The following GFPT2 variants were observed in gnomAD, a reference collection of about 807,000 sequenced individuals.
GFPT2 encodes the protein glutamine--fructose-6-phosphate aminotransferase [isomerizing] 2.
Under a neutral mutation model 85.6 loss-of-function variants are expected in GFPT2, and 62 were observed. The ratio of observed to expected loss-of-function variants is 0.72; its 90% confidence interval spans 0.59 to 0.90. The LOEUF (loss-of-function observed/expected upper bound fraction) is 0.90, where lower values mean the gene tolerates loss of function less well. Among genes scored for constraint, GFPT2 ranks in the 40% least tolerant of loss-of-function variants. The pLI is 0.00. For missense variants in GFPT2, 788 were observed against 893.4 expected, an observed-to-expected ratio of 0.88 and a Z score of 1.50; for synonymous variants, 368 against 344.5, an observed-to-expected ratio of 1.07 and a Z score of -0.75.
At chr5:180,302,284 C>G (rs1461416484) in intron 18 of GFPT2, 139 bp downstream of exon 18, 2 of 613,314 alleles carry the variant, frequency 3.3e-6, no homozygotes, top group Non-Finnish European at 5.2e-6. Context: ...GAGACTCAAT[C>G]TCAAAAAAAA....
chr5:180,314,071 C>G, intron 13 of GFPT2, 107 bp from the exon 14 acceptor site: 2 of 1,133,868 alleles, frequency 1.8e-6, no homozygotes, highest in South Asian at 1.6e-5. Context: ...GCGCCCGAGA[C>G]ACAGCCAGCG....
rs377765870 is a variant in GFPT2 at position 180,336,431 on chromosome 5, G to T, written c.214+48C>A. Reference sequence around the variant, plus strand: ...CGCTGTTGGAATACGGTCCTAGAAAGCGGCCGGCGCTGCAGCGGCTCCTCC... The same window carrying T: ...CGCTGTTGGAATACGGTCCTAGAAATCGGCCGGCGCTGCAGCGGCTCCTCC... On this transcript the variant is annotated intron_variant, in intron 3 of 18. Coordinates refer to ENST00000253778, the MANE Select transcript of GFPT2 (RefSeq NM_005110.4). The T allele has an allele frequency of 3.0e-6, 3 of 994,680 alleles. No individual in the cohort carries two copies. In the East Asian group the frequency reaches 7.1e-5, roughly 24 times the overall value. The allele number at this position is 994,680 out of a possible 1,614,324, so 61.6% of individuals were successfully genotyped here.
At chr5:180,352,570 C>A (rs919724370) in intron 1 of GFPT2, 1 of 448,918 alleles carries the variant, frequency 2.2e-6, no homozygotes, top group Non-Finnish European at 4.4e-6. Context: ...CTCGTGGCTT[C>A]GGGCCGAGGT....
At position 180,316,325 on chromosome 5, in the gene GFPT2, T is replaced by C. The variant is rs746385469; in HGVS notation, c.1273+16A>G. 5 of 1,613,770 alleles carry C rather than the reference T, an allele frequency of 3.1e-6. No individual in the cohort carries two copies. Among genetic ancestry groups the C allele is most frequent in the Non-Finnish European group, 4.2e-6 (5 of 1,179,752 alleles). On this transcript the variant is annotated intron_variant, in intron 13 of 18. Coordinates refer to ENST00000253778, the MANE Select transcript of GFPT2 (RefSeq NM_005110.4). ...TGACCTGATGCAAGGCTGGCCACAA[T>C]GCCTGTGTCCCTTACCTGACTGGCT...
chr5:180,347,717 G>C (rs1312400698), intron 1 of GFPT2, among the ~76,000 whole-genome samples: 2 of 152,172 alleles, frequency 1.3e-5, no homozygotes, highest in African/African-American at 4.8e-5. Flanking sequence ...ACAATGGCCA[G>C]CGCAGGGAGA....
In GFPT2 at chr5:180,331,502, T is replaced by C. The variant is rs1427665850; in HGVS notation, c.392A>G (p.Lys131Arg). ...GIITNYKDLR[K>R]FLESKGYEFE... ...CTAGGGGAAGCATCTTACCAGAAAT[T>C]TCCTCAGATCTTTGTAATTTGTGAT... The change falls in exon 5 of 19, where the codon AAA (lysine) becomes AGA (arginine). Residue 131 changes from lysine (K) to arginine (R), a missense_variant. Lys to Arg is a conservative substitution (Grantham distance 26, BLOSUM62 2). Coordinates refer to ENST00000253778, the MANE Select transcript of GFPT2 (RefSeq NM_005110.4). The C allele has an allele frequency of 6.3e-7, 1 of 1,581,094 alleles. No homozygotes were observed. Among genetic ancestry groups the C allele is most frequent in the Non-Finnish European group, 8.7e-7 (1 of 1,149,866 alleles).
chr5:180,306,350 C>T (rs1763777362), intron 16 of GFPT2, among the ~76,000 whole-genome samples: 1 of 152,150 alleles, frequency 6.6e-6, no homozygotes, highest in Admixed American at 6.5e-5. Flanking sequence ...AGCTGGGCCA[C>T]GGTTAATGCC....
intron 1 of GFPT2, among the ~76,000 whole-genome samples, chr5:180,341,609 T>C (rs1254824921): frequency 1.3e-5 from 2 of 152,224 alleles, no homozygotes; most frequent in Non-Finnish European, 2.9e-5. Context: ...GGGGGATTTA[T>C]ATATAAAAAT....
At position 180,322,034 on chromosome 5, in the gene GFPT2, G is replaced by T. The variant is rs184549038; in HGVS notation, c.794+2154C>A. ...GATCTCCTGATCTCATGATCTGTCCGCCTCGGCCTCCCAAAGTGCTGGGAT... is the reference window on the plus strand; with the variant it reads ...GATCTCCTGATCTCATGATCTGTCCTCCTCGGCCTCCCAAAGTGCTGGGAT... On this transcript the variant is annotated intron_variant, in intron 9 of 18. Coordinates refer to ENST00000253778, the MANE Select transcript of GFPT2 (RefSeq NM_005110.4). Among the ~76,000 whole-genome samples the T allele has an allele frequency of 2.0e-3, 311 of 152,058 alleles. 4 individuals carry two copies. The highest frequency in any genetic ancestry group is 6.9e-3 in the African/African-American group (286 of 41,476).
chr5:180,329,963 C>G (rs901229268), intron 6 of GFPT2, among the ~76,000 whole-genome samples: 1 of 152,220 alleles, frequency 6.6e-6, no homozygotes, highest in Non-Finnish European at 1.5e-5. Flanking sequence ...TCCCCAATCT[C>G]TCTCCCTCTC....
Position 180,316,336 on chromosome 5 carries a change from C to A in GFPT2, c.1273+5G>T. 1.9e-6 allele frequency: 3 copies of A among 1,614,040 alleles called. No individual in the cohort carries two copies. The highest frequency in any genetic ancestry group is 2.5e-6 in the Non-Finnish European group (3 of 1,179,970). On this transcript the variant is annotated splice_donor_5th_base_variant and intron_variant, in intron 13 of 18. Coordinates refer to ENST00000253778, the MANE Select transcript of GFPT2 (RefSeq NM_005110.4). ...AAGGCTGGCCACAATGCCTGTGTCCCTTACCTGACTGGCTGATGAAAAAGC... is the reference window on the plus strand; with the variant it reads ...AAGGCTGGCCACAATGCCTGTGTCCATTACCTGACTGGCTGATGAAAAAGC...
chr5:180,333,025 G>A (rs1764333198), intron 4 of GFPT2, among the ~76,000 whole-genome samples: 1 of 152,134 alleles, frequency 6.6e-6, no homozygotes, highest in Non-Finnish European at 1.5e-5. Flanking sequence ...AAAAATGGGA[G>A]GGCTTAAATA....
chr5:180,316,900 A>C (rs569688659), intron 11 of GFPT2, 39 bp from the exon 12 acceptor site: 1 of 1,561,716 alleles, frequency 6.4e-7, no homozygotes, highest in East Asian at 2.2e-5. Flanking sequence ...CTGAGTCTAC[A>C]CAGTCACCGC....
At chr5:180,340,975 C>T (rs141837953) in intron 1 of GFPT2, among the ~76,000 whole-genome samples, 37 of 152,300 alleles carry the variant, frequency 2.4e-4, no homozygotes, top group African/African-American at 6.0e-4. Flanking sequence ...AACAGCGACT[C>T]GCCTCACTGA....
intron 16 of GFPT2, among the ~76,000 whole-genome samples, chr5:180,306,892 G>C (rs1164917663): frequency 6.6e-6 from 1 of 152,186 alleles, no homozygotes; most frequent in Non-Finnish European, 1.5e-5. Flanking sequence ...GTGGACCCTG[G>C]CAGTGCCTGG....
intron 1 of GFPT2, chr5:180,352,520 G>T (rs895123245): frequency 9.0e-6 from 4 of 445,456 alleles, no homozygotes; most frequent in African/African-American, 8.3e-5. Context: ...AGCGCCGCGG[G>T]AATCGGACGC....
chr5:180,302,963 C>T (rs1480089772), intron 17 of GFPT2, among the ~76,000 whole-genome samples: 4 of 152,288 alleles, frequency 2.6e-5, no homozygotes, highest in Admixed American at 2.0e-4. Flanking sequence ...GGCGTGGTGG[C>T]TCACGCCTGT....
At position 180,353,238 on chromosome 5, in the gene GFPT2, C is replaced by G; in HGVS notation, c.-21G>C. 8.1e-7 allele frequency: 1 copy of G among 1,241,622 alleles called. No individual in the cohort carries two copies. The highest frequency in any genetic ancestry group is 1.0e-6 in the Non-Finnish European group (1 of 988,618). 76.9% of individuals were successfully genotyped at this position (1,241,622 alleles called of 1,614,324 possible). A position where few individuals can be genotyped will look rare whatever the true frequency, so the allele number is the denominator to read the frequency against. ...CACATCGTGGCTGCTTCTCGGGCTC[C>G]TTCGCGGCTCGAGGGGGTCTGCCCG... On this transcript the variant is annotated 5_prime_UTR_variant, in exon 1 of 19. Coordinates refer to ENST00000253778, the MANE Select transcript of GFPT2 (RefSeq NM_005110.4).
At chr5:180,347,447 T>C (rs1764630452) in intron 1 of GFPT2, among the ~76,000 whole-genome samples, 2 of 152,070 alleles carry the variant, frequency 1.3e-5, no homozygotes, top group South Asian at 4.2e-4. Flanking sequence ...AATTGATAGA[T>C]AAAATGAACC....
Sources: gnomAD v4.1 joint callset for allele counts (sites outside exome capture counted in the v4.1 genomes callset) on GRCh38, gnomAD v4.1.1 for gene constraint, MANE v1.5 for transcripts, NCBI Gene and HGNC (gene_info 2026-07-23, HGNC 2026-07-21) for gene names.